The following CHIC1 variants were observed in gnomAD, a reference collection of about 807,000 sequenced individuals.
CHIC1 encodes cysteine rich hydrophobic domain 1, also known as cysteine-rich hydrophobic domain-containing protein 1.
Under a neutral mutation model 18.5 loss-of-function variants are expected in CHIC1, and 7 were observed. The observed-to-expected ratio is 0.38, with a 90% CI of 0.22 to 0.71. CHIC1 has a LOEUF of 0.71. Ranked by LOEUF, CHIC1 falls within the 30% of genes least tolerant of loss-of-function variation. The probability of loss-of-function intolerance (pLI) is 0.49; values close to 1 mark genes in which losing one functional copy is unlikely to be tolerated. For synonymous variants in CHIC1, 77 were observed against 73.5 expected (o/e 1.05, Z -0.25); for missense variants, 159 against 176.9 (o/e 0.90, Z 0.57).
At chrX:73,643,302 T>A (rs1019618554) in intron 3 of CHIC1, among the ~76,000 whole-genome samples, 2 of 109,150 alleles carry the variant, frequency 1.8e-5, no homozygotes, top group Non-Finnish European at 3.8e-5. Context: ...CCCTTAACAT[T>A]TTTTCCTTCA....
chrX:73,682,283 A>C lies in CHIC1; in HGVS notation c.*1278A>C, dbSNP rs1366803592. 1.8e-5 allele frequency: 2 copies of C among 111,932 alleles called. No homozygotes were observed. Among genetic ancestry groups the C allele is most frequent in the Non-Finnish European group, 3.8e-5 (2 of 52,916 alleles). The allele number at this position is 111,932 out of a possible 1,213,427, so 9.2% of individuals were successfully genotyped here. A position where few individuals can be genotyped will look rare whatever the true frequency, so the allele number is the denominator to read the frequency against. On this transcript the variant is annotated 3_prime_UTR_variant, in exon 6 of 6. Transcript: ENST00000373502. Reference sequence around the variant, plus strand: ...ACATTTATTTGGTCCATATTTCTCTATTTTTCTTCACAATTAAAATGATTG... The same window carrying C: ...ACATTTATTTGGTCCATATTTCTCTCTTTTTCTTCACAATTAAAATGATTG...
chrX:73,602,909 G>A (rs1569502054), intron 3 of CHIC1, among the ~76,000 whole-genome samples: 1 of 108,764 alleles, frequency 9.2e-6, no homozygotes, highest in Non-Finnish European at 1.9e-5. Flanking sequence ...TGCTGTTTTG[G>A]TTACTATAGC....
chrX:73,589,938 T>C (rs2057573199), intron 3 of CHIC1, among the ~76,000 whole-genome samples: 1 of 111,607 alleles, frequency 9.0e-6, no homozygotes, highest in Non-Finnish European at 1.9e-5. Flanking sequence ...TCCCACTGCC[T>C]CTGACCTTCA....
intron 3 of CHIC1, among the ~76,000 whole-genome samples, chrX:73,622,617 T>G (rs909127249): frequency 2.7e-5 from 3 of 111,892 alleles, no homozygotes; most frequent in African/African-American, 9.7e-5. Context: ...AACTATTTTG[T>G]TAATCTTTTG....
In CHIC1 at chrX:73,565,958, C is replaced by G. The variant is rs149405569; in HGVS notation, c.296+2378C>G. 4.5e-4 allele frequency among the ~76,000 whole-genome samples: 50 copies of G among 110,735 alleles called. No individual in the cohort carries two copies. The East Asian group carries it at 0.014, about 30-fold the overall frequency. On this transcript the variant is annotated intron_variant, in intron 1 of 5. Transcript: ENST00000373502. ...AAAATTTGAGAGCCCTCACCTCAAACTCAGTATATTTTAAGCTCAACATCC... is the reference window on the plus strand; with the variant it reads ...AAAATTTGAGAGCCCTCACCTCAAAGTCAGTATATTTTAAGCTCAACATCC...
At chrX:73,585,192 T>G (rs1192247378) in intron 3 of CHIC1, among the ~76,000 whole-genome samples, 1 of 112,022 alleles carries the variant, frequency 8.9e-6, no homozygotes, top group Non-Finnish European at 1.9e-5. Context: ...ATGAATGATT[T>G]CATTTAAACT....
intron 3 of CHIC1, among the ~76,000 whole-genome samples, chrX:73,631,488 C>G (rs1313758947): frequency 9.1e-6 from 1 of 110,109 alleles, no homozygotes; most frequent in African/African-American, 3.3e-5. Context: ...AAAAAATTAG[C>G]TGGGTGTGGT....
rs755732969 is a variant in CHIC1, at chrX:73,595,497, A to G, written c.507+10925A>G. On this transcript the variant is annotated intron_variant, in intron 3 of 5. Transcript: ENST00000373502. ...CTTCACCCATGTCTCTGCAAAGGAC[A>G]TGAACTCATTCTTTTTTTATGGCTG... is the stretch of plus-strand genomic sequence containing the variant. Among the ~76,000 whole-genome samples, 4 of 111,536 alleles carry G rather than the reference A, an allele frequency of 3.6e-5. No individual in the cohort carries two copies. In the South Asian group the frequency reaches 1.5e-3, roughly 42 times the overall value.
intron 3 of CHIC1, among the ~76,000 whole-genome samples, chrX:73,631,952 G>A (rs2057809017): frequency 8.9e-6 from 1 of 111,949 alleles, no homozygotes; most frequent in African/African-American, 3.3e-5. Context: ...CTGGCCTAAT[G>A]TATGCTCTGT....
chrX:73,651,210 T>C (rs781698235), intron 3 of CHIC1, among the ~76,000 whole-genome samples: 80 of 111,743 alleles, frequency 7.2e-4, no homozygotes, highest in African/African-American at 2.3e-3. Flanking sequence ...GATATAATGT[T>C]ATTCCCATCA....
chrX:73,632,285 A>G (rs189715495), intron 3 of CHIC1, among the ~76,000 whole-genome samples: 333 of 111,653 alleles, frequency 3.0e-3, no homozygotes, highest in Non-Finnish European at 5.1e-3. Flanking sequence ...CAGTATAATT[A>G]CCCCTGCTAA....
At chrX:73,590,701 G>A (rs1279137009) in intron 3 of CHIC1, among the ~76,000 whole-genome samples, 2 of 111,434 alleles carry the variant, frequency 1.8e-5, no homozygotes, top group Non-Finnish European at 3.8e-5. Context: ...TGTCATATAA[G>A]TTGAAATTAT....
intron 3 of CHIC1, among the ~76,000 whole-genome samples, chrX:73,634,122 A>G (rs1295706064): frequency 8.9e-6 from 1 of 111,875 alleles, no homozygotes; most frequent in South Asian, 3.7e-4. Flanking sequence ...TTAGCCACAC[A>G]TTGCCATCTT....
intron 3 of CHIC1, among the ~76,000 whole-genome samples, chrX:73,598,136 A>G (rs1162393405): frequency 9.0e-6 from 1 of 110,980 alleles, no homozygotes; most frequent in Admixed American, 9.6e-5. Flanking sequence ...GTATATGCCC[A>G]GTAATGGGAT....
At chrX:73,582,489 T>C (rs1480897787) in intron 2 of CHIC1, among the ~76,000 whole-genome samples, 1 of 109,676 alleles carries the variant, frequency 9.1e-6, no homozygotes, top group Non-Finnish European at 1.9e-5. Context: ...TGCTGAAGAA[T>C]TAAAGAGCAT....
At chrX:73,641,377 TTTA>T (rs1442469643) in intron 3 of CHIC1, among the ~76,000 whole-genome samples, 1 of 110,911 alleles carries the variant, frequency 9.0e-6, no homozygotes, top group Non-Finnish European at 1.9e-5. Flanking sequence ...GTTTGGGACC[TTTA>T]TATCTTTGTT....
chrX:73,601,992 C>T (rs2057653317), intron 3 of CHIC1, among the ~76,000 whole-genome samples: 1 of 104,003 alleles, frequency 9.6e-6, no homozygotes, highest in Non-Finnish European at 1.9e-5. Flanking sequence ...GACACATACA[C>T]CCCCTGCCCC....
intron 3 of CHIC1, among the ~76,000 whole-genome samples, chrX:73,655,317 TAC>T (rs993792421): frequency 9.6e-6 from 1 of 103,728 alleles, no homozygotes; most frequent in Non-Finnish European, 2.0e-5. Flanking sequence ...TGTATATATA[TAC>T]ACACACACTA....
At chrX:73,591,671 T>G (rs1028478451) in intron 3 of CHIC1, among the ~76,000 whole-genome samples, 2 of 111,734 alleles carry the variant, frequency 1.8e-5, no homozygotes, top group Non-Finnish European at 3.8e-5. Flanking sequence ...GATTTTGTTT[T>G]ATGTTATATT....
Sources: allele counts gnomAD v4.1 joint callset (sites outside exome capture counted in the v4.1 genomes callset), GRCh38; gene constraint gnomAD v4.1.1; transcripts MANE v1.5; gene names NCBI Gene and HGNC (gene_info 2026-07-23, HGNC 2026-07-21).